The following RASA3 variants were observed in gnomAD, a reference collection of about 807,000 sequenced individuals.
RASA3 encodes the protein ras GTPase-activating protein 3.
In RASA3, 73 loss-of-function variants were observed where a neutral mutation model predicts 110.0. The observed-to-expected ratio is 0.66, with a 90% confidence interval of 0.55 to 0.81. The LOEUF (loss-of-function observed/expected upper bound fraction) is 0.81, where lower values mean the gene tolerates loss of function less well. Ranked by LOEUF, RASA3 falls within the 30% of genes least tolerant of loss-of-function variation. The pLI is 0.00. For missense variants in RASA3, 976 were observed against 1,113.2 expected, an observed-to-expected ratio of 0.88 and a Z score of 1.75; for synonymous variants, 500 against 451.4, an observed-to-expected ratio of 1.11 and a Z score of -1.37.
intron 4 of RASA3, among the ~76,000 whole-genome samples, chr13:114,030,271 G>A (rs899014227): frequency 6.6e-6 from 1 of 152,250 alleles, no homozygotes; most frequent in African/African-American, 2.4e-5. Context: ...AAGCACAGCT[G>A]TCTCCCAAGC....
intron 3 of RASA3, among the ~76,000 whole-genome samples, chr13:114,045,526 G>A (rs917471058): frequency 3.9e-5 from 6 of 152,060 alleles, no homozygotes; most frequent in East Asian, 3.9e-4. Flanking sequence ...AAATGCGCGC[G>A]CCTCCCTCTG....
At chr13:114,069,626 G>A (rs1458673839) in intron 2 of RASA3, among the ~76,000 whole-genome samples, 32 of 61,876 alleles carry the variant, frequency 5.2e-4, no homozygotes, top group African/African-American at 1.8e-3. Flanking sequence ...TTCGGGGACC[G>A]GGAGACTCGG....
At chr13:113,990,344 G>A (rs560588569) in intron 22 of RASA3, among the ~76,000 whole-genome samples, 1 of 152,254 alleles carries the variant, frequency 6.6e-6, no homozygotes, top group African/African-American at 2.4e-5. Context: ...GTTCCCAGCA[G>A]AGGAAGAGCT....
intron 9 of RASA3, among the ~76,000 whole-genome samples, chr13:114,019,171 T>G (rs1594333188): frequency 6.6e-6 from 1 of 150,828 alleles, no homozygotes; most frequent in Non-Finnish European, 1.5e-5. Flanking sequence ...GGGATGGGGG[T>G]GGAACGTGGC....
At position 114,000,902 on chromosome 13, in the gene RASA3, C is replaced by T. The variant is rs2053379614; in HGVS notation, c.1773G>A (p.Lys591=). The part of the protein sequence containing the change: ...GFMIKRAQGR[K]RFGMKNFKKR... ...TCTTAAAATTCTTCATCCCAAAGCG[C>T]TTCCGTCCTTGGGCCCTCTTGATCA... The change falls in exon 19 of 24, where the codon AAG becomes AAA. Residue 591 remains lysine (K), a synonymous_variant. Transcript: ENST00000334062. 6.2e-7 allele frequency: 1 copy of T among 1,613,728 alleles called. No individual in the cohort carries two copies. Among genetic ancestry groups the T allele is most frequent in the African/African-American group, 1.3e-5 (1 of 74,946 alleles).
At chr13:114,030,633 T>C (rs149568927) in intron 4 of RASA3, among the ~76,000 whole-genome samples, 11 of 152,372 alleles carry the variant, frequency 7.2e-5, no homozygotes, top group Non-Finnish European at 1.3e-4. Flanking sequence ...TAGATCAGTC[T>C]GTCTGTGTGT....
At position 113,994,819 on chromosome 13, in the gene RASA3, A is replaced by C. The variant is rs183918726; in HGVS notation, c.2141+1712T>G. Among the ~76,000 whole-genome samples, 33 of 152,282 alleles carry C rather than the reference A, an allele frequency of 2.2e-4. 1 individual carries two copies. In the East Asian group the frequency reaches 6.4e-3, roughly 29 times the overall value. Reference sequence around the variant, plus strand: ...AACCCCGTTTCTACAAAAAACCTTAAAACAATTAGCCTGGAATGGTGGAGC... The same window carrying C: ...AACCCCGTTTCTACAAAAAACCTTACAACAATTAGCCTGGAATGGTGGAGC... On this transcript the variant is annotated intron_variant, in intron 21 of 23. Transcript: ENST00000334062.
In RASA3 at chr13:114,015,310, T is replaced by A. The variant is rs984819892; in HGVS notation, c.1304A>T (p.Asp435Val). Residue 435 changes from aspartate to valine, a missense_variant, in exon 14 of 24, where the codon GAC becomes GTC. Transcript: ENST00000334062. ...NNMENLRQYVDRVFHAITESG... is the reference protein window; with the variant it reads ...NNMENLRQYVVRVFHAITESG... Reference sequence around the variant, plus strand: ...CTCAGTGATGGCGTGGAAGACGCGGTCCACATACTGCCGTAGGTTCTCCTG... The same window carrying A: ...CTCAGTGATGGCGTGGAAGACGCGGACCACATACTGCCGTAGGTTCTCCTG... The A allele has an allele frequency of 6.2e-7, 1 of 1,612,978 alleles. No individual in the cohort carries two copies. The highest frequency in any genetic ancestry group is 1.1e-5 in the South Asian group (1 of 91,086).
chr13:114,060,123 G>A (rs548775496), intron 2 of RASA3, among the ~76,000 whole-genome samples: 8 of 152,368 alleles, frequency 5.3e-5, no homozygotes, highest in African/African-American at 1.2e-4. Flanking sequence ...GACACCAGGT[G>A]CGAAGGCCTC....
intron 12 of RASA3, 68 bp downstream of exon 12, chr13:114,017,169 A>G (rs2053811529): frequency 1.4e-6 from 2 of 1,402,270 alleles, no homozygotes; most frequent in South Asian, 1.2e-5. Flanking sequence ...ATCCCAGTGC[A>G]GTGCCCTCTG....
At chr13:114,042,102 G>A (rs764638723) in intron 3 of RASA3, among the ~76,000 whole-genome samples, 5 of 152,208 alleles carry the variant, frequency 3.3e-5, no homozygotes, top group African/African-American at 4.8e-5. Flanking sequence ...GTGTAAATTC[G>A]CATCTGCAAC....
intron 2 of RASA3, among the ~76,000 whole-genome samples, chr13:114,067,647 T>G (rs374404930): frequency 5.9e-5 from 9 of 152,212 alleles, no homozygotes; most frequent in Non-Finnish European, 1.0e-4. Context: ...AGTACTATTT[T>G]GGGGGTGATT....
rs910304063 is a variant in RASA3 at position 114,065,791 on chromosome 13, G to A, written c.173+7929C>T. On this transcript the variant is annotated intron_variant, in intron 2 of 23. Transcript: ENST00000334062. This position sits in a 1 kb window ranked among gnomAD's most constrained non-coding sequence, Gnocchi z 4.1. ...TCACAGCCCACTCACCACCCAGCAC[G>A]GCAGGTCTCAGCGGAAGCCCCACAC... Among the ~76,000 whole-genome samples, 4 of 152,174 alleles carry A rather than the reference G, an allele frequency of 2.6e-5. No homozygotes were observed. The highest frequency in any genetic ancestry group is 5.9e-5 in the Non-Finnish European group (4 of 68,028).
At chr13:114,082,357 C>T (rs1460875656) in intron 1 of RASA3, among the ~76,000 whole-genome samples, 1 of 152,252 alleles carries the variant, frequency 6.6e-6, no homozygotes, top group Non-Finnish European at 1.5e-5. Context: ...CACATATCGG[C>T]TGCACCTTGG....
chr13:114,057,584 C>T lies in RASA3; in HGVS notation c.174-5429G>A. On this transcript the variant is annotated intron_variant, in intron 2 of 23. Transcript: ENST00000334062. The surrounding 1 kb of genome is among the most constrained non-coding windows in gnomAD (Gnocchi z 5.0). Reference sequence around the variant, plus strand: ...GGCCCCCACAGGAAGGAAACCTCTCCCCACAATGACTGTGCACAGAGCCAG... The same window carrying T: ...GGCCCCCACAGGAAGGAAACCTCTCTCCACAATGACTGTGCACAGAGCCAG... 1 of 893,958 alleles carries T rather than the reference C, an allele frequency of 1.1e-6. No homozygotes were observed. The highest frequency in any genetic ancestry group is 1.3e-6 in the Non-Finnish European group (1 of 746,788). The allele number at this position is 893,958 out of a possible 1,614,324, so 55.4% of individuals were successfully genotyped here.
intron 17 of RASA3, among the ~76,000 whole-genome samples, chr13:114,007,842 G>A (rs2053550812): frequency 6.6e-6 from 1 of 152,230 alleles, no homozygotes; most frequent in African/African-American, 2.4e-5. Flanking sequence ...GCAACACCTG[G>A]GGATCAACCT....
intron 6 of RASA3, among the ~76,000 whole-genome samples, 188 bp from the exon 7 acceptor site, chr13:114,027,649 C>T (rs988468318): frequency 6.6e-6 from 1 of 152,154 alleles, no homozygotes; most frequent in African/African-American, 2.4e-5. Flanking sequence ...AAATACCCAG[C>T]GTGAAGAGCA....
At chr13:114,043,582 C>T (rs1338408010) in intron 3 of RASA3, among the ~76,000 whole-genome samples, 4 of 152,118 alleles carry the variant, frequency 2.6e-5, no homozygotes. Context: ...TCTTGCCACA[C>T]AGACATACAC....
At chr13:114,104,562 G>A (rs940818455) in intron 1 of RASA3, among the ~76,000 whole-genome samples, 14 of 152,122 alleles carry the variant, frequency 9.2e-5, no homozygotes, top group Non-Finnish European at 2.1e-4. Flanking sequence ...ATTACAGGGC[G>A]AGCATCCGAT....
Sources: gnomAD v4.1 joint callset for allele counts (sites outside exome capture counted in the v4.1 genomes callset) on GRCh38, gnomAD v4.1.1 for gene constraint, Gnocchi (gnomAD v3.1) non-coding constraint, MANE v1.5 for transcripts, NCBI Gene and HGNC (gene_info 2026-07-23, HGNC 2026-07-21) for gene names.